Variants in AOC3 observed in about 807,000 individuals in gnomAD.
The protein encoded by AOC3 is amine oxidase [copper-containing] 3.
In AOC3, 47 loss-of-function variants were observed where a neutral mutation model predicts 55.4. The ratio of observed to expected loss-of-function variants is 0.85; its 90% CI spans 0.67 to 1.08. The LOEUF is 1.08. Among genes scored for constraint, AOC3 ranks in the 50% least tolerant of loss-of-function variants. The pLI, the probability that AOC3 is intolerant of heterozygous loss-of-function variation, is 0.00. For missense variants in AOC3, 853 were observed against 993.1 expected (o/e 0.86, Z 1.90); for synonymous variants, 386 against 410.7 (o/e 0.94, Z 0.73).
rs564378160 is a variant in AOC3, at chr17:42,856,835, G to C, written c.*285G>C. On this transcript the variant is annotated 3_prime_UTR_variant, in exon 4 of 4. Coordinates refer to ENST00000308423, the MANE Select transcript of AOC3 (RefSeq NM_003734.4). ...GCCGTGGCCGAGGGCTTCCCTAGATGGTTCCCTTTGTTGCTGTCTGGCTTT... is the reference window on the plus strand; with the variant it reads ...GCCGTGGCCGAGGGCTTCCCTAGATCGTTCCCTTTGTTGCTGTCTGGCTTT... The C allele has an allele frequency of 7.9e-5, 38 of 480,052 alleles. 1 individual carries two copies. Among genetic ancestry groups the C allele is most frequent in the African/African-American group, 7.2e-4 (37 of 51,734 alleles). The allele number at this position is 480,052 out of a possible 1,614,324, so 29.7% of individuals were successfully genotyped here.
In AOC3 at chr17:42,856,805, C is replaced by A. The variant is rs1044394857; in HGVS notation, c.*255C>A. ...CCACAGAGGCCAGGCATGGCCCAGC[C>A]TGGAGCCGTGGCCGAGGGCTTCCCT... On this transcript the variant is annotated 3_prime_UTR_variant, in exon 4 of 4. Coordinates refer to ENST00000308423, the MANE Select transcript of AOC3 (RefSeq NM_003734.4). The A allele has an allele frequency of 1.3e-5, 7 of 550,230 alleles. No homozygotes were observed. The highest frequency in any genetic ancestry group is 2.2e-5 in the Non-Finnish European group (7 of 313,072). 34.1% of individuals were successfully genotyped at this position (550,230 alleles called of 1,614,324 possible).
chr17:42,854,635 G>A lies in AOC3; in HGVS notation c.1788G>A (p.Lys596=). 6 of 1,584,994 alleles carry A rather than the reference G, an allele frequency of 3.8e-6. No individual in the cohort carries two copies. Among genetic ancestry groups the A allele is most frequent in the Non-Finnish European group, 8.6e-7 (1 of 1,163,364 alleles). Residue 596 remains lysine, a synonymous_variant, in exon 2 of 4, where the codon AAG becomes AAA. Coordinates refer to ENST00000308423, the MANE Select transcript of AOC3 (RefSeq NM_003734.4). The part of the protein sequence containing the change: ...YLYLASNHSN[K]WGHPRGYRIQ... Reference sequence around the variant, plus strand: ...ACCTGGCCAGCAACCACAGCAACAAGTGGGGTCACCCCCGGGGCTACCGCA... The same window carrying A: ...ACCTGGCCAGCAACCACAGCAACAAATGGGGTCACCCCCGGGGCTACCGCA...
rs1567692541 is a variant in AOC3, at chr17:42,856,405, C to T, written c.2147C>T (p.Ser716Phe). 1.9e-6 allele frequency: 3 copies of T among 1,614,214 alleles called. No homozygotes were observed. The highest frequency in any genetic ancestry group is 3.3e-4 in the Middle Eastern group (2 of 6,060). ...TATAACTTCTTTGACGAAGACCCCT[C>T]CTTCTACTCTGCCGACTCCATCTAC... ...RPYNFFDEDP[S>F]FYSADSIYFR... The change falls in exon 4 of 4, where the codon TCC (serine) becomes TTC (phenylalanine). Residue 716 changes from serine to phenylalanine, a missense_variant. Transcript: ENST00000308423.
At chr17:42,853,248 T>C (rs1160201302) in intron 1 of AOC3, 8 of 1,172,270 alleles carry the variant, frequency 6.8e-6, no homozygotes, top group African/African-American at 1.6e-5. Context: ...CTTGTACTTA[T>C]ATGGGCTCTG....
Position 42,852,536 on chromosome 17 carries a change from T to C in AOC3, c.1193T>C (p.Leu398Pro). The C allele has an allele frequency of 6.2e-7, 1 of 1,614,220 alleles. No individual in the cohort carries two copies. Among genetic ancestry groups the C allele is most frequent in the South Asian group, 1.1e-5 (1 of 91,082 alleles). The stretch of plus-strand genomic sequence containing the variant: ...GGCATGGGCAAGTACACCACGCCCC[T>C]GACCCGTGGGGTGGACTGCCCCTAC... ...GFGMGKYTTP[L>P]TRGVDCPYLA... The change falls in exon 1 of 4, where the codon CTG becomes CCG. Residue 398 changes from leucine (L) to proline (P), a missense_variant. Leu to Pro is a moderately conservative substitution (Grantham distance 98, BLOSUM62 -3). Transcript: ENST00000308423.
At position 42,856,970 on chromosome 17, in the gene AOC3, CT is replaced by C. The variant is rs1180727781; in HGVS notation, c.*422del. On this transcript the variant is annotated 3_prime_UTR_variant, in exon 4 of 4. Coordinates refer to ENST00000308423, the MANE Select transcript of AOC3 (RefSeq NM_003734.4). ...GTCCATAGCTGAGCTGGAAAGGATG[CT>C]TCTGCTCACATTCCCTCTCATCCAG... 1 of 192,036 alleles carries C rather than the reference CT, an allele frequency of 5.2e-6. No homozygotes were observed. The highest frequency in any genetic ancestry group is 2.4e-5 in the African/African-American group (1 of 42,550). The allele number at this position is 192,036 out of a possible 1,614,324, so 11.9% of individuals were successfully genotyped here. A position where few individuals can be genotyped will look rare whatever the true frequency, so the allele number is the denominator to read the frequency against.
chr17:42,856,840 C>G lies in AOC3; in HGVS notation c.*290C>G, dbSNP rs2055757492. ...GGCCGAGGGCTTCCCTAGATGGTTC[C>G]CTTTGTTGCTGTCTGGCTTTCCCGA... On this transcript the variant is annotated 3_prime_UTR_variant, in exon 4 of 4. Transcript: ENST00000308423. 1 of 464,488 alleles carries G rather than the reference C, an allele frequency of 2.2e-6. No individual in the cohort carries two copies. The allele number at this position is 464,488 out of a possible 1,614,324, so 28.8% of individuals were successfully genotyped here. A position where few individuals can be genotyped will look rare whatever the true frequency, so the allele number is the denominator to read the frequency against.
chr17:42,853,259 C>G, intron 1 of AOC3: 1 of 1,132,906 alleles, frequency 8.8e-7, no homozygotes, highest in Non-Finnish European at 1.1e-6. Context: ...ATGGGCTCTG[C>G]TGCTGGGAGC....
In AOC3 at chr17:42,856,508, C is replaced by T. The variant is rs370521516; in HGVS notation, c.2250C>T (p.Pro750=). Residue 750 remains proline, a synonymous_variant, in exon 4 of 4, where the codon CCC becomes CCT. Coordinates refer to ENST00000308423, the MANE Select transcript of AOC3 (RefSeq NM_003734.4). ...TGCCCCAGGCTGCTGCCTGTGCCCC[C>T]GACCTCCCTGCCTTCTCCCACGGGG... ...ACLPQAAACA[P]DLPAFSHGGF... 3.5e-4 allele frequency: 569 copies of T among 1,608,882 alleles called. 7 individuals carry two copies. The South Asian group carries it at 5.9e-3, about 17-fold the overall frequency.
chr17:42,853,305 C>T, intron 1 of AOC3: 1 of 1,049,888 alleles, frequency 9.5e-7, no homozygotes, highest in Non-Finnish European at 1.1e-6. Flanking sequence ...TGTGTCTGGC[C>T]TGTGGTGGTG....
rs148573748 is a variant in AOC3, at chr17:42,857,791, T to C, written c.*1241T>C. The stretch of plus-strand genomic sequence containing the variant: ...AAAGGACTGGTTAAATCAATTCTGA[T>C]ACAGCCTTACAATACAATAGTATGC... On this transcript the variant is annotated 3_prime_UTR_variant, in exon 4 of 4. Coordinates refer to ENST00000308423, the MANE Select transcript of AOC3 (RefSeq NM_003734.4). 2 of 152,376 alleles carry C rather than the reference T, an allele frequency of 1.3e-5. No homozygotes were observed. Among genetic ancestry groups the C allele is most frequent in the Middle Eastern group, 3.4e-3 (1 of 294 alleles). The allele number at this position is 152,376 out of a possible 1,614,324, so 9.4% of individuals were successfully genotyped here. A position where few individuals can be genotyped will look rare whatever the true frequency, so the allele number is the denominator to read the frequency against.
intron 1 of AOC3, among the ~76,000 whole-genome samples, chr17:42,853,572 C>T (rs2055705036): frequency 6.6e-6 from 1 of 151,996 alleles, no homozygotes; most frequent in Non-Finnish European, 1.5e-5. Context: ...TGTCTTTCCC[C>T]ACATTGAGTC....
In AOC3 at chr17:42,855,459, G is replaced by A. The variant is rs1410841444; in HGVS notation, c.1902G>A (p.Val634=). ...GCCTCCCTAGGTACCAGCTGGCTGT[G>A]ACCCAGCGGAAGGAGGAGGAGCCCA... ...GFSWERYQLA[V]TQRKEEEPSS... The change falls in exon 3 of 4, where the codon GTG becomes GTA. Residue 634 remains valine, a synonymous_variant. Transcript: ENST00000308423. 4.4e-6 allele frequency: 7 copies of A among 1,606,986 alleles called. No individual in the cohort carries two copies. The highest frequency in any genetic ancestry group is 5.9e-6 in the Non-Finnish European group (7 of 1,176,972).
rs2055771667 is a variant in AOC3 at position 42,857,902 on chromosome 17, C to T, written c.*1352C>T. The T allele has an allele frequency of 6.6e-6, 1 of 152,166 alleles. No individual in the cohort carries two copies. The highest frequency in any genetic ancestry group is 6.5e-5 in the Admixed American group (1 of 15,284). The allele number at this position is 152,166 out of a possible 1,614,324, so 9.4% of individuals were successfully genotyped here. Reference sequence around the variant, plus strand: ...GCAAGCCACAGAAATGTGTATAGCGCACTTCCCATTTGTGTTTCAGAAAGG... The same window carrying T: ...GCAAGCCACAGAAATGTGTATAGCGTACTTCCCATTTGTGTTTCAGAAAGG... On this transcript the variant is annotated 3_prime_UTR_variant, in exon 4 of 4. Coordinates refer to ENST00000308423, the MANE Select transcript of AOC3 (RefSeq NM_003734.4).
At position 42,856,517 on chromosome 17, in the gene AOC3, T is replaced by G. The variant is rs775636971; in HGVS notation, c.2259T>G (p.Pro753=). Residue 753 remains proline (P), a synonymous_variant, in exon 4 of 4, where the codon CCT becomes CCG. Coordinates refer to ENST00000308423, the MANE Select transcript of AOC3 (RefSeq NM_003734.4). ...CTGCTGCCTGTGCCCCCGACCTCCCTGCCTTCTCCCACGGGGGCTTCTCTC... is the reference window on the plus strand; with the variant it reads ...CTGCTGCCTGTGCCCCCGACCTCCCGGCCTTCTCCCACGGGGGCTTCTCTC... ...PQAAACAPDL[P]AFSHGGFSHN 6.2e-6 allele frequency: 10 copies of G among 1,608,216 alleles called. No homozygotes were observed. In the East Asian group the frequency reaches 2.0e-4, roughly 32 times the overall value.
rs1181411827 is a variant in AOC3 at position 42,852,194 on chromosome 17, G to A, written c.851G>A (p.Gly284Asp). The change falls in exon 1 of 4, where the codon GGC becomes GAC. Residue 284 changes from glycine (G) to aspartate (D), a missense_variant. By Grantham distance (94) the Gly-to-Asp change is moderately conservative. Transcript: ENST00000308423. ...CAGCTGGAGGCCCAGTTTGAGGCCG[G>A]CCTGGTGAATGTGGTGCTGATCCCA... Reference protein sequence around the residue: ...LAQLEAQFEAGLVNVVLIPDN... With the variant: ...LAQLEAQFEADLVNVVLIPDN... 6.2e-7 allele frequency: 1 copy of A among 1,613,842 alleles called. No individual in the cohort carries two copies. The highest frequency in any genetic ancestry group is 1.1e-5 in the South Asian group (1 of 91,060).
chr17:42,855,293 C>G lies in AOC3; in HGVS notation c.1887-151C>G, dbSNP rs34268610. ...GGGATAAACAGGAGGACTTGACCCC[C>G]CTTAGGGTGACGTCGGGGATTCTGT... is the stretch of plus-strand genomic sequence containing the variant. On this transcript the variant is annotated intron_variant, in intron 2 of 3. Coordinates refer to ENST00000308423, the MANE Select transcript of AOC3 (RefSeq NM_003734.4). 2.3e-3 allele frequency: 2,428 copies of G among 1,058,310 alleles called. 46 individuals carry two copies. In the African/African-American group the frequency reaches 0.034, roughly 15 times the overall value. The allele number at this position is 1,058,310 out of a possible 1,614,324, so 65.6% of individuals were successfully genotyped here. A position where few individuals can be genotyped will look rare whatever the true frequency, so the allele number is the denominator to read the frequency against.
intron 2 of AOC3, among the ~76,000 whole-genome samples, chr17:42,855,225 C>T (rs192980022): frequency 6.6e-6 from 1 of 152,176 alleles, no homozygotes; most frequent in Non-Finnish European, 1.5e-5. Context: ...TGAGAACTCT[C>T]TTCTGTTTTG....
In AOC3 at chr17:42,852,485, C is replaced by T. The variant is rs755447601; in HGVS notation, c.1142C>T (p.Thr381Met). The change falls in exon 1 of 4, where the codon ACG (threonine) becomes ATG (methionine). Residue 381 changes from threonine (T) to methionine (M), a missense_variant. By Grantham distance (81) the Thr-to-Met change is moderately conservative (BLOSUM62 -1). Transcript: ENST00000308423. ...IYGGNSPAAMTTRYVDGGFGM... is the reference protein window; with the variant it reads ...IYGGNSPAAMMTRYVDGGFGM... Reference sequence around the variant, plus strand: ...GGTGGAAATTCCCCAGCAGCAATGACGACCCGCTATGTGGATGGAGGCTTT... The same window carrying T: ...GGTGGAAATTCCCCAGCAGCAATGATGACCCGCTATGTGGATGGAGGCTTT... The T allele has an allele frequency of 3.4e-5, 55 of 1,614,096 alleles. No homozygotes were observed. In the East Asian group the frequency reaches 3.8e-4, roughly 11 times the overall value.
Sources: allele counts gnomAD v4.1 joint callset (sites outside exome capture counted in the v4.1 genomes callset), GRCh38; gene constraint gnomAD v4.1.1; transcripts MANE v1.5; gene names NCBI Gene and HGNC (gene_info 2026-07-23, HGNC 2026-07-21).